The following WDR93 variants were observed in gnomAD, a reference collection of about 807,000 sequenced individuals.
WDR93 encodes WD repeat-containing protein 93.
A neutral mutation model predicts 82.9 loss-of-function variants in WDR93; 73 were observed. The observed-to-expected ratio is 0.88, with a 90% CI of 0.73 to 1.07. The LOEUF (loss-of-function observed/expected upper bound fraction) is 1.07. WDR93 is among the 50% of genes least tolerant of loss of function. The pLI, the probability that WDR93 is intolerant of heterozygous loss-of-function variation, is 0.00. For synonymous variants in WDR93, 283 were observed against 300.1 expected (o/e 0.94, Z 0.59); for missense variants, 738 against 826.0 (o/e 0.89, Z 1.31).
chr15:89,731,397 G>T (rs1395869905), intron 11 of WDR93, 46 bp from the exon 12 acceptor site: 9 of 1,587,094 alleles, frequency 5.7e-6, no homozygotes, highest in Non-Finnish European at 7.7e-6. Flanking sequence ...GTGATGGGTA[G>T]GTGCAGAGTC....
intron 7 of WDR93, chr15:89,721,096 C>G (rs1966505849): frequency 6.6e-6 from 1 of 152,156 alleles, no homozygotes; most frequent in Non-Finnish European, 1.5e-5. Context: ...ATTCTCTGTT[C>G]AGAATTCTTC....
intron 16 of WDR93, among the ~76,000 whole-genome samples, chr15:89,740,422 G>A (rs1013863331): frequency 1.3e-5 from 2 of 152,160 alleles, no homozygotes; most frequent in South Asian, 2.1e-4. Context: ...AATGAAGAAG[G>A]CGATGGTTGA....
At chr15:89,697,136 C>T (rs1019033091) in intron 1 of WDR93, among the ~76,000 whole-genome samples, 18 of 151,646 alleles carry the variant, frequency 1.2e-4, no homozygotes, top group Admixed American at 6.6e-5. Flanking sequence ...TTTTAAAATT[C>T]CTTGTAGAGA....
At chr15:89,704,332 AAAAAG>A (rs1242209903) in intron 3 of WDR93, 1 of 152,252 alleles carries the variant, frequency 6.6e-6, no homozygotes, top group Admixed American at 6.5e-5. Flanking sequence ...CATCTCAAAA[AAAAAG>A]AAAAGAAAAA....
chr15:89,696,208 T>A (rs1313307821), intron 1 of WDR93, among the ~76,000 whole-genome samples: 1 of 152,240 alleles, frequency 6.6e-6, no homozygotes, highest in Non-Finnish European at 1.5e-5. Context: ...TTTTTGAGAA[T>A]GCTGTATAAA....
intron 3 of WDR93, 120 bp downstream of exon 3, chr15:89,703,262 A>G (rs1414753156): frequency 5.0e-6 from 5 of 1,001,752 alleles, no homozygotes; most frequent in Non-Finnish European, 4.6e-6. Context: ...TGGTCATGTA[A>G]TAGTAACTAT....
chr15:89,699,654 T>A (rs1393558596), intron 1 of WDR93, among the ~76,000 whole-genome samples: 1 of 152,140 alleles, frequency 6.6e-6, no homozygotes, highest in Non-Finnish European at 1.5e-5. Context: ...TTTTTATTCC[T>A]TCGTTTCATT....
At chr15:89,732,163 T>C (rs921199540) in intron 12 of WDR93, among the ~76,000 whole-genome samples, 2 of 152,194 alleles carry the variant, frequency 1.3e-5, no homozygotes, top group Non-Finnish European at 2.9e-5. Context: ...AACCGGACTT[T>C]GTTAAAGGCC....
Position 89,710,032 on chromosome 15 carries a change from C to T in WDR93, c.562-1994C>T, listed in dbSNP as rs576473998. ...AAAATTAGCCGGGTGTGCTGGCACGCGCCTGTAGTCCCAGCTACTTGGGAG... is the reference window on the plus strand; with the variant it reads ...AAAATTAGCCGGGTGTGCTGGCACGTGCCTGTAGTCCCAGCTACTTGGGAG... On this transcript the variant is annotated intron_variant, in intron 4 of 16. Transcript: ENST00000268130. Among the ~76,000 whole-genome samples, 12 of 152,048 alleles carry T rather than the reference C, an allele frequency of 7.9e-5. No individual in the cohort carries two copies. In the South Asian group the frequency reaches 1.7e-3, roughly 21 times the overall value.
chr15:89,699,333 G>A (rs1263996286), intron 1 of WDR93, among the ~76,000 whole-genome samples: 3 of 152,038 alleles, frequency 2.0e-5, no homozygotes, highest in Admixed American at 1.3e-4. Flanking sequence ...GTACTTTCAA[G>A]ATGTTGCTTC....
intron 5 of WDR93, among the ~76,000 whole-genome samples, chr15:89,712,425 A>G (rs1375014979): frequency 1.3e-5 from 1 of 75,512 alleles, no homozygotes; most frequent in Non-Finnish European, 2.3e-5. Context: ...TTTTTGCTCC[A>G]AAGTTCAATC....
At chr15:89,708,792 C>G (rs1353156975) in intron 4 of WDR93, among the ~76,000 whole-genome samples, 2 of 152,230 alleles carry the variant, frequency 1.3e-5, no homozygotes, top group Non-Finnish European at 2.9e-5. Context: ...CTGCAGCAGA[C>G]TAACCATTAT....
chr15:89,692,678 C>G (rs536090756), intron 1 of WDR93, among the ~76,000 whole-genome samples: 8 of 152,294 alleles, frequency 5.3e-5, no homozygotes, highest in African/African-American at 1.7e-4. Context: ...GGCGCAATGT[C>G]AGCTCACTGC....
At chr15:89,690,888 C>T (rs1964835515) in intron 1 of WDR93, 31 bp downstream of exon 1, 1 of 464,782 alleles carries the variant, frequency 2.2e-6, no homozygotes, top group Non-Finnish European at 3.9e-6. Flanking sequence ...CTTTGGATGC[C>T]GGGGCTCCCC....
intron 16 of WDR93, among the ~76,000 whole-genome samples, chr15:89,740,959 G>A (rs1204357657): frequency 2.6e-5 from 4 of 151,926 alleles, no homozygotes; most frequent in Non-Finnish European, 5.9e-5. Flanking sequence ...GGCCAAAATG[G>A]TGAAACCCCG....
chr15:89,717,045 CTTTTTTTTTT>C (rs11457156), intron 7 of WDR93, 96 bp downstream of exon 7: 5 of 172,144 alleles, frequency 2.9e-5, no homozygotes, highest in African/African-American at 6.3e-5. Flanking sequence ...CTTTTTCTTT[CTTTTTTTTTT>C]TTTTTTTTTT....
chr15:89,743,587 C>A lies in WDR93; in HGVS notation c.*196C>A. On this transcript the variant is annotated 3_prime_UTR_variant, in exon 17 of 17. Transcript: ENST00000268130. ...TCAACCACTAAGCCTCTTGTCAGAGCCCTCAGGCAGGCAGATGTGTCACCC... is the reference window on the plus strand; with the variant it reads ...TCAACCACTAAGCCTCTTGTCAGAGACCTCAGGCAGGCAGATGTGTCACCC... The A allele has an allele frequency of 1.7e-6, 1 of 593,472 alleles. No individual in the cohort carries two copies. Among genetic ancestry groups the A allele is most frequent in the Non-Finnish European group, 3.0e-6 (1 of 334,628 alleles). The allele number at this position is 593,472 out of a possible 1,614,324, so 36.8% of individuals were successfully genotyped here. A position where few individuals can be genotyped will look rare whatever the true frequency, so the allele number is the denominator to read the frequency against.
intron 11 of WDR93, among the ~76,000 whole-genome samples, chr15:89,730,761 C>A (rs984780950): frequency 6.6e-6 from 1 of 151,962 alleles, no homozygotes; most frequent in Admixed American, 6.6e-5. Flanking sequence ...CAGCATGAGC[C>A]TGTAGTCCCA....
chr15:89,739,704 G>A (rs1390328934), intron 16 of WDR93, among the ~76,000 whole-genome samples: 1 of 152,194 alleles, frequency 6.6e-6, no homozygotes, highest in Non-Finnish European at 1.5e-5. Flanking sequence ...TACAGAACTA[G>A]GTGGCTCTGG....
Sources: allele counts gnomAD v4.1 joint callset (sites outside exome capture counted in the v4.1 genomes callset), GRCh38; gene constraint gnomAD v4.1.1; transcripts MANE v1.5; gene names NCBI Gene and HGNC (gene_info 2026-07-23, HGNC 2026-07-21).